The following FHIT variants were observed in gnomAD, a reference collection of about 807,000 sequenced individuals.
FHIT encodes the protein bis(5'-adenosyl)-triphosphatase.
In FHIT, 19 loss-of-function variants were observed where a neutral mutation model predicts 17.9. That is an observed-to-expected ratio of 1.06 (90% CI 0.74 to 1.56). The LOEUF (loss-of-function observed/expected upper bound fraction) is 1.56, where lower values mean the gene tolerates loss of function less well. Ranked by LOEUF, FHIT falls within the 40% of genes most tolerant of loss-of-function variation. The probability of loss-of-function intolerance (pLI) is 0.00; values close to 1 mark genes in which losing one functional copy is unlikely to be tolerated. For missense variants in FHIT, 248 were observed against 189.2 expected (o/e 1.31, Z -1.82); for synonymous variants, 81 against 69.7 (o/e 1.16, Z -0.81).
intron 7 of FHIT, among the ~76,000 whole-genome samples, chr3:59,949,952 G>C (rs1353336214): frequency 6.6e-6 from 1 of 152,078 alleles, no homozygotes; most frequent in Non-Finnish European, 1.5e-5. Context: ...GCTTTATTCA[G>C]TCTTTCTTCC....
intron 7 of FHIT, among the ~76,000 whole-genome samples, chr3:59,954,932 T>A (rs1305578117): frequency 2.6e-5 from 4 of 152,172 alleles, no homozygotes; most frequent in Non-Finnish European, 4.4e-5. Flanking sequence ...ACTCTTCTGA[T>A]CTCAATTTAA....
At chr3:59,889,567 T>G (rs1703765182) in intron 8 of FHIT, among the ~76,000 whole-genome samples, 1 of 152,142 alleles carries the variant, frequency 6.6e-6, no homozygotes, top group African/African-American at 2.4e-5. Flanking sequence ...CTTACCCTCC[T>G]TATAACAGAG....
chr3:59,885,321 C>T (rs112154519), intron 8 of FHIT, among the ~76,000 whole-genome samples: 18 of 152,138 alleles, frequency 1.2e-4, no homozygotes, highest in East Asian at 3.9e-4. Flanking sequence ...GCATTGAGCA[C>T]GGGGGGCTGC....
intron 5 of FHIT, among the ~76,000 whole-genome samples, chr3:60,377,464 CTTTTTTTTTTT>C (rs1196507429): frequency 2.0e-5 from 1 of 49,688 alleles, no homozygotes; most frequent in Non-Finnish European, 3.5e-5. Flanking sequence ...GCCAAGAATT[CTTTTTTTTTTT>C]TTTTTTTTTT....
chr3:60,518,987 AGAGT>A (rs2035261236), intron 5 of FHIT, among the ~76,000 whole-genome samples: 1 of 152,374 alleles, frequency 6.6e-6, no homozygotes, highest in South Asian at 2.1e-4. Context: ...CCTGGACAAC[AGAGT>A]GAGACTGTCT....
intron 7 of FHIT, among the ~76,000 whole-genome samples, chr3:59,999,339 A>C (rs1575850767): frequency 6.6e-6 from 1 of 152,278 alleles, no homozygotes; most frequent in East Asian, 1.9e-4. Context: ...ACCATCGTTA[A>C]AGTTAATGGA....
rs1308757844 is a variant in FHIT at position 59,868,485 on chromosome 3, TC to T, written c.348+53860del. Among the ~76,000 whole-genome samples the T allele has an allele frequency of 1.2e-4, 19 of 152,262 alleles. 1 individual carries two copies. Among genetic ancestry groups the T allele is most frequent in the Admixed American group, 1.2e-3 (18 of 15,298 alleles). ...CTTGATATAAAAAGCAAATATGAGG[TC>T]TTGAATCACACCATCCTGCTATCAA... is the stretch of plus-strand genomic sequence containing the variant. On this transcript the variant is annotated intron_variant, in intron 8 of 9. Coordinates refer to ENST00000492590, the MANE Select transcript of FHIT (RefSeq NM_002012.4).
intron 4 of FHIT, among the ~76,000 whole-genome samples, chr3:60,748,411 A>G (rs2042400392): frequency 6.6e-6 from 1 of 152,166 alleles, no homozygotes; most frequent in African/African-American, 2.4e-5. Context: ...TCCATGGGGA[A>G]TTGGTTCCAG....
intron 3 of FHIT, among the ~76,000 whole-genome samples, chr3:60,886,202 C>A (rs1426424098): frequency 6.6e-6 from 1 of 152,118 alleles, no homozygotes; most frequent in African/African-American, 2.4e-5. Context: ...GGGGTTAATA[C>A]CATGAATGGC....
At chr3:61,171,505 A>G (rs1347562000) in intron 2 of FHIT, among the ~76,000 whole-genome samples, 1 of 152,182 alleles carries the variant, frequency 6.6e-6, no homozygotes, top group Non-Finnish European at 1.5e-5. Flanking sequence ...TATACCAACT[A>G]AAGTGTATCA....
intron 5 of FHIT, among the ~76,000 whole-genome samples, chr3:60,065,775 C>G (rs1311226582): frequency 3.3e-5 from 5 of 152,140 alleles, no homozygotes; most frequent in African/African-American, 9.7e-5. Context: ...GTTCCCATCC[C>G]ATGGCCAACT....
At chr3:60,177,177 G>T (rs1330974941) in intron 5 of FHIT, among the ~76,000 whole-genome samples, 1 of 151,438 alleles carries the variant, frequency 6.6e-6, no homozygotes, top group African/African-American at 2.4e-5. Context: ...AACAAATGCT[G>T]CCCATAAAAA....
At chr3:59,777,353 G>T (rs183002237) in intron 8 of FHIT, among the ~76,000 whole-genome samples, 1 of 151,594 alleles carries the variant, frequency 6.6e-6, no homozygotes, top group Non-Finnish European at 1.5e-5. Flanking sequence ...TGTGTAGTGG[G>T]CACCTATATT....
At chr3:61,126,184 G>T (rs1402454993) in intron 2 of FHIT, among the ~76,000 whole-genome samples, 1 of 152,028 alleles carries the variant, frequency 6.6e-6, no homozygotes, top group South Asian at 2.1e-4. Flanking sequence ...TATTTATCAG[G>T]CATCTACTTG....
At chr3:60,090,671 G>A (rs12493170) in intron 5 of FHIT, among the ~76,000 whole-genome samples, 28,404 of 152,086 alleles carry the variant, frequency 0.19, 3,303 homozygotes, top group East Asian at 0.51. Flanking sequence ...TGACATGCTG[G>A]GGTCTTGAAT....
Position 60,314,932 on chromosome 3 carries a change from AAATAAT to A in FHIT, c.103+221922_103+221927del, listed in dbSNP as rs1170325302. On this transcript the variant is annotated intron_variant, in intron 5 of 9. Transcript: ENST00000492590. ...GAGCCTGTCTCTATTTTAAAATTTA[AAATAAT>A]AATAATAAAAGAATTCAGCAGAACT... Among the ~76,000 whole-genome samples, 3 of 152,136 alleles carry A rather than the reference AAATAAT, an allele frequency of 2.0e-5. No homozygotes were observed. The East Asian group carries it at 5.8e-4, about 29-fold the overall frequency.
chr3:60,301,330 T>G (rs1163063545), intron 5 of FHIT, among the ~76,000 whole-genome samples: 1 of 152,164 alleles, frequency 6.6e-6, no homozygotes, highest in Admixed American at 6.6e-5. Flanking sequence ...TACGTATTAC[T>G]AAAGAATGAA....
intron 2 of FHIT, among the ~76,000 whole-genome samples, chr3:61,175,154 T>C (rs1363583912): frequency 6.6e-6 from 1 of 151,996 alleles, no homozygotes; most frequent in Non-Finnish European, 1.5e-5. Flanking sequence ...TATAAATACC[T>C]CACAGTTTGT....
chr3:60,552,653 T>C (rs2036599703), intron 4 of FHIT, among the ~76,000 whole-genome samples: 1 of 152,176 alleles, frequency 6.6e-6, no homozygotes, highest in African/African-American at 2.4e-5. Flanking sequence ...TAAGTATTTA[T>C]ACCTACTCCC....
Sources: gnomAD v4.1 joint callset for allele counts (sites outside exome capture counted in the v4.1 genomes callset) on GRCh38, gnomAD v4.1.1 for gene constraint, MANE v1.5 for transcripts, NCBI Gene and HGNC (gene_info 2026-07-23, HGNC 2026-07-21) for gene names.